LONRF2: variants seen among roughly 807,000 people sequenced by gnomAD.
LONRF2 encodes the protein LON peptidase N-terminal domain and RING finger protein 2.
In LONRF2, 35 loss-of-function variants were observed where a neutral mutation model predicts 66.6. That is an observed-to-expected ratio of 0.53 (90% CI 0.40 to 0.70). LONRF2 has a LOEUF of 0.70. Among genes scored for constraint, LONRF2 ranks in the 30% least tolerant of loss-of-function variants. LONRF2 has a pLI of 0.00. For missense variants in LONRF2, 902 were observed against 1,002.1 expected, an observed-to-expected ratio of 0.90 and a Z score of 1.35; for synonymous variants, 417 against 418.1, an observed-to-expected ratio of 1.00 and a Z score of 0.03.
intron 9 of LONRF2, among the ~76,000 whole-genome samples, chr2:100,290,782 C>T (rs1296254669): frequency 6.6e-6 from 1 of 152,186 alleles, no homozygotes; most frequent in Admixed American, 6.5e-5. Context: ...GCTGGTGCCA[C>T]GCACACACTC....
rs1051430245 is a variant in LONRF2, at chr2:100,271,946, C to A, written c.*12352G>T. Among the ~76,000 whole-genome samples the A allele has an allele frequency of 1.3e-5, 2 of 152,154 alleles. No homozygotes were observed. The highest frequency in any genetic ancestry group is 2.4e-5 in the African/African-American group (1 of 41,446). Reference sequence around the variant, plus strand: ...TCACAGAAAGTTTCATCCAACAGTGCTGAAGGAGTTAAGATTAGTCACTGC... The same window carrying A: ...TCACAGAAAGTTTCATCCAACAGTGATGAAGGAGTTAAGATTAGTCACTGC... On this transcript the variant is annotated 3_prime_UTR_variant, in exon 12 of 12. Transcript: ENST00000393437.
rs532623177 is a variant in LONRF2, at chr2:100,283,052, C to T, written c.*1246G>A. The T allele has an allele frequency of 5.9e-5, 9 of 152,162 alleles. 1 individual carries two copies. The highest frequency in any genetic ancestry group is 1.7e-4 in the African/African-American group (7 of 41,514). The allele number at this position is 152,162 out of a possible 1,614,324, so 9.4% of individuals were successfully genotyped here. ...TGGTTAAGAATGTCCACCTTACAGA[C>T]GAGGAAGCCAACCAAATGCACCAGC... On this transcript the variant is annotated 3_prime_UTR_variant, in exon 12 of 12. Transcript: ENST00000393437.
chr2:100,310,980 C>A (rs1477629198), intron 1 of LONRF2, among the ~76,000 whole-genome samples: 1 of 152,132 alleles, frequency 6.6e-6, no homozygotes, highest in Non-Finnish European at 1.5e-5. Flanking sequence ...TGTTTCCTAT[C>A]ATCAAAACAA....
In LONRF2 at chr2:100,299,931, G is replaced by GA. The variant is rs778764634; in HGVS notation, c.1066-14dup. On this transcript the variant is annotated splice_polypyrimidine_tract_variant and intron_variant, in intron 4 of 11. Coordinates refer to ENST00000393437, the MANE Select transcript of LONRF2 (RefSeq NM_198461.4). Reference sequence around the variant, plus strand: ...TCTCAGATGAATTCTGGTTAAGTGGGAAAAAAAGGAATCCTGAGTATTAAA... The same window carrying GA: ...TCTCAGATGAATTCTGGTTAAGTGGGAAAAAAAAGGAATCCTGAGTATTAAA... The GA allele has an allele frequency of 1.1e-5, 15 of 1,379,992 alleles. No individual in the cohort carries two copies. The highest frequency in any genetic ancestry group is 1.4e-5 in the Non-Finnish European group (14 of 1,025,832). 85.5% of individuals were successfully genotyped at this position (1,379,992 alleles called of 1,614,324 possible).
At chr2:100,297,765 C>T (rs928615837) in intron 7 of LONRF2, among the ~76,000 whole-genome samples, 4 of 152,090 alleles carry the variant, frequency 2.6e-5, no homozygotes, top group Admixed American at 1.3e-4. Flanking sequence ...TTGATGTTCA[C>T]GAGAACTCTG....
chr2:100,285,510 G>C (rs903025167), intron 11 of LONRF2, among the ~76,000 whole-genome samples: 1 of 152,116 alleles, frequency 6.6e-6, no homozygotes, highest in African/African-American at 2.4e-5. Flanking sequence ...TGAGAAAAAT[G>C]GTCCCCCATA....
intron 2 of LONRF2, among the ~76,000 whole-genome samples, chr2:100,306,129 G>A (rs1182262908): frequency 1.3e-5 from 2 of 151,948 alleles, no homozygotes; most frequent in African/African-American, 4.8e-5. Flanking sequence ...GGCCAGGCTG[G>A]TCTTGAACTC....
At chr2:100,320,453 A>G (rs1287010954) in intron 1 of LONRF2, among the ~76,000 whole-genome samples, 1 of 152,090 alleles carries the variant, frequency 6.6e-6, no homozygotes, top group Non-Finnish European at 1.5e-5. Context: ...TTTTTTTGCA[A>G]GACAAAATTG....
In LONRF2 at chr2:100,321,662, CG is replaced by C; in HGVS notation, c.431del (p.Pro144ArgfsTer11). ...GCTTATGCAGCAGCCGCCGGCAGCG[CG>C]GGCAGCCGAGCAGGTCGCGGGGCGC... The part of the protein sequence containing the change: ...PRAPRDLLGC[P>X]RCRRLLHKPV... On this transcript the variant is annotated frameshift_variant, in exon 1 of 12. Transcript: ENST00000393437. LOFTEE classifies it high-confidence loss of function. The C allele has an allele frequency of 7.3e-7, 1 of 1,371,738 alleles. No homozygotes were observed. Among genetic ancestry groups the C allele is most frequent in the Non-Finnish European group, 9.4e-7 (1 of 1,062,474 alleles). The allele number at this position is 1,371,738 out of a possible 1,614,324, so 85.0% of individuals were successfully genotyped here.
rs921071473 is a variant in LONRF2 at position 100,283,106 on chromosome 2, T to C, written c.*1192A>G. On this transcript the variant is annotated 3_prime_UTR_variant, in exon 12 of 12. Coordinates refer to ENST00000393437, the MANE Select transcript of LONRF2 (RefSeq NM_198461.4). ...TTGGGCCAGAGAGAACATATGAGTA[T>C]CTCAGATTCAGTTATTCCAATCAAT... 6.6e-6 allele frequency: 1 copy of C among 152,146 alleles called. No individual in the cohort carries two copies. Among genetic ancestry groups the C allele is most frequent in the Non-Finnish European group, 1.5e-5 (1 of 68,030 alleles). 9.4% of individuals were successfully genotyped at this position (152,146 alleles called of 1,614,324 possible).
Position 100,322,176 on chromosome 2 carries a change from G to C in LONRF2, c.-83C>G. The C allele has an allele frequency of 8.4e-7, 1 of 1,191,658 alleles. No individual in the cohort carries two copies. 73.8% of individuals were successfully genotyped at this position (1,191,658 alleles called of 1,614,324 possible). On this transcript the variant is annotated 5_prime_UTR_variant, in exon 1 of 12. Coordinates refer to ENST00000393437, the MANE Select transcript of LONRF2 (RefSeq NM_198461.4). ...GCTGCTGCTGGGAACTGGCCGGCGG[G>C]AGCGCGGTCTCAGCCCTCGCCAGCA...
Position 100,295,515 on chromosome 2 carries a change from G to A in LONRF2, c.1515C>T (p.Ala505=), listed in dbSNP as rs1463992354. The stretch of plus-strand genomic sequence containing the variant: ...GCAAATATCGAAATATTAATTCTTC[G>A]GCCAGAACAGTTATGTTAAAGTTTC... ...ASRNFNITVL[A]EELIFRYLPD... is the part of the protein sequence containing the mutation. The change falls in exon 8 of 12, where the codon GCC becomes GCT. Residue 505 remains alanine, a synonymous_variant. Coordinates refer to ENST00000393437, the MANE Select transcript of LONRF2 (RefSeq NM_198461.4). 24 of 1,612,938 alleles carry A rather than the reference G, an allele frequency of 1.5e-5. No individual in the cohort carries two copies. The highest frequency in any genetic ancestry group is 1.6e-4 in the Middle Eastern group (1 of 6,082).
In LONRF2 at chr2:100,273,043, G is replaced by A. The variant is rs183798450; in HGVS notation, c.*11255C>T. Among the ~76,000 whole-genome samples the A allele has an allele frequency of 1.5e-3, 225 of 152,320 alleles. No homozygotes were observed. The highest frequency in any genetic ancestry group is 5.0e-3 in the African/African-American group (206 of 41,558). On this transcript the variant is annotated 3_prime_UTR_variant, in exon 12 of 12. Transcript: ENST00000393437. ...GATGAGGTCATCCTGGATTAGGGTG[G>A]AAGTTAAATCTAATGACTGGTGTCC...
At position 100,281,842 on chromosome 2, in the gene LONRF2, G is replaced by C. The variant is rs1674743236; in HGVS notation, c.*2456C>G. 1 of 152,002 alleles carries C rather than the reference G, an allele frequency of 6.6e-6. No homozygotes were observed. The highest frequency in any genetic ancestry group is 6.6e-5 in the Admixed American group (1 of 15,256). The allele number at this position is 152,002 out of a possible 1,614,324, so 9.4% of individuals were successfully genotyped here. A position where few individuals can be genotyped will look rare whatever the true frequency, so the allele number is the denominator to read the frequency against. ...AAGGGGGCAGGCGGAGGAGGAAGCA[G>C]ACCGTTCTGCTTTAGCTTAATTGGT... On this transcript the variant is annotated 3_prime_UTR_variant, in exon 12 of 12. Coordinates refer to ENST00000393437, the MANE Select transcript of LONRF2 (RefSeq NM_198461.4).
rs11123822 is a variant in LONRF2 at position 100,295,120 on chromosome 2, G to C, written c.1598+312C>G. Among the ~76,000 whole-genome samples, 3 of 151,828 alleles carry C rather than the reference G, an allele frequency of 2.0e-5. No homozygotes were observed. The South Asian group carries it at 6.2e-4, about 32-fold the overall frequency. Reference sequence around the variant, plus strand: ...CTGCACTGGCCTCCCAAAATGCTAGGATTACAGGCATGAGCCACTGTGCCT... The same window carrying C: ...CTGCACTGGCCTCCCAAAATGCTAGCATTACAGGCATGAGCCACTGTGCCT... On this transcript the variant is annotated intron_variant, in intron 8 of 11. Coordinates refer to ENST00000393437, the MANE Select transcript of LONRF2 (RefSeq NM_198461.4).
chr2:100,315,089 A>C (rs1478458744), intron 1 of LONRF2, among the ~76,000 whole-genome samples: 1 of 152,190 alleles, frequency 6.6e-6, no homozygotes, highest in Non-Finnish European at 1.5e-5. Flanking sequence ...AAAATGATAT[A>C]TCCATCCATT....
chr2:100,313,804 T>A (rs188987777), intron 1 of LONRF2, among the ~76,000 whole-genome samples: 1 of 152,224 alleles, frequency 6.6e-6, no homozygotes, highest in Admixed American at 6.5e-5. Context: ...TACTTTATCC[T>A]GTTTTCTAAC....
At chr2:100,290,984 A>G (rs1476411747) in intron 9 of LONRF2, among the ~76,000 whole-genome samples, 1 of 151,882 alleles carries the variant, frequency 6.6e-6, no homozygotes, top group East Asian at 2.0e-4. Context: ...TATGAGTTCC[A>G]TGTGCACTGA....
At chr2:100,311,507 A>G (rs1675408532) in intron 1 of LONRF2, among the ~76,000 whole-genome samples, 1 of 152,066 alleles carries the variant, frequency 6.6e-6, no homozygotes, top group Non-Finnish European at 1.5e-5. Context: ...CTGCCAATGG[A>G]TTCTCTTGAA....
Sources: allele counts gnomAD v4.1 joint callset (sites outside exome capture counted in the v4.1 genomes callset), GRCh38; gene constraint gnomAD v4.1.1; transcripts MANE v1.5; gene names NCBI Gene and HGNC (gene_info 2026-07-23, HGNC 2026-07-21).